Variants in RPH3A observed in about 807,000 individuals in gnomAD.
RPH3A encodes the protein rabphilin 3A.
Under a neutral mutation model 102.2 loss-of-function variants are expected in RPH3A, and 48 were observed. The observed-to-expected ratio is 0.47, with a 90% confidence interval of 0.37 to 0.60. The LOEUF (loss-of-function observed/expected upper bound fraction) is 0.60. RPH3A is among the 20% of genes least tolerant of loss of function. The pLI, the probability that RPH3A is intolerant of heterozygous loss-of-function variation, is 0.00. For synonymous variants in RPH3A, 310 were observed against 324.3 expected (o/e 0.96, Z 0.47); for missense variants, 781 against 910.1 (o/e 0.86, Z 1.83).
chr12:112,592,423 G>A (rs233724), intron 1 of RPH3A, among the ~76,000 whole-genome samples: 71,135 of 151,852 alleles, frequency 0.47, 17,240 homozygotes, highest in South Asian at 0.6. Flanking sequence ...GGTTCAAGCG[G>A]CTCTTCTGCC....
intron 1 of RPH3A, among the ~76,000 whole-genome samples, chr12:112,730,974 T>A (rs547656899): frequency 8.9e-4 from 136 of 152,310 alleles, no homozygotes; most frequent in African/African-American, 3.2e-3. Context: ...GGTGACTGGC[T>A]GAACAGAAAG....
rs558126338 is a variant in RPH3A, at chr12:112,726,756, C to T, written c.-139-65387C>T. 5.3e-5 allele frequency among the ~76,000 whole-genome samples: 8 copies of T among 152,260 alleles called. No individual in the cohort carries two copies. The East Asian group carries it at 9.7e-4, about 18-fold the overall frequency. ...GCATTTTTCTGGCTGGGTGCAGTGG[C>T]TCACGCCTGTAATCCTAGCACTTTG... On this transcript the variant is annotated intron_variant, in intron 1 of 21. Transcript: ENST00000543106.
chr12:112,806,554 G>T (rs1028888921), intron 2 of RPH3A, among the ~76,000 whole-genome samples: 1 of 152,064 alleles, frequency 6.6e-6, no homozygotes, highest in Admixed American at 6.6e-5. Context: ...GCTTAAACCT[G>T]GGAGGTGGAG....
intron 1 of RPH3A, among the ~76,000 whole-genome samples, chr12:112,771,942 CATTTGTTTA>C (rs1013536155): frequency 6.6e-6 from 1 of 152,154 alleles, no homozygotes; most frequent in Non-Finnish European, 1.5e-5. Context: ...TTCAGTCATA[CATTTGTTTA>C]AGTGTATGTA....
intron 1 of RPH3A, among the ~76,000 whole-genome samples, chr12:112,746,065 G>A (rs1004884810): frequency 4.6e-5 from 7 of 152,122 alleles, no homozygotes; most frequent in African/African-American, 1.7e-4. Flanking sequence ...CTTGCAACCT[G>A]TTCTTCCTTG....
intron 5 of RPH3A, among the ~76,000 whole-genome samples, chr12:112,864,221 G>A (rs573170432): frequency 2.0e-5 from 3 of 152,178 alleles, no homozygotes; most frequent in Non-Finnish European, 2.9e-5. Flanking sequence ...GGGAGGCCAA[G>A]GCAGGTGGAT....
At chr12:112,824,475 T>G (rs1481248046) in intron 2 of RPH3A, among the ~76,000 whole-genome samples, 1 of 152,080 alleles carries the variant, frequency 6.6e-6, no homozygotes, top group Non-Finnish European at 1.5e-5. Context: ...CAGTGACTAT[T>G]AGGGTGCCTC....
chr12:112,871,351 C>A (rs1315292623), intron 10 of RPH3A, among the ~76,000 whole-genome samples: 1 of 152,194 alleles, frequency 6.6e-6, no homozygotes, highest in East Asian at 1.9e-4. Context: ...TAATTCCACA[C>A]TCCTCTCTGC....
intron 13 of RPH3A, 141 bp from the exon 14 acceptor site, chr12:112,878,978 G>A (rs1446572856): frequency 1.1e-5 from 8 of 724,858 alleles, no homozygotes; most frequent in African/African-American, 8.8e-5. Flanking sequence ...CCAAGATGAG[G>A]AACTCACAGC....
chr12:112,665,761 T>A (rs917351478), intron 1 of RPH3A, among the ~76,000 whole-genome samples: 16 of 152,232 alleles, frequency 1.1e-4, no homozygotes, highest in African/African-American at 3.6e-4. Flanking sequence ...TTTTGGTCTA[T>A]CTCCTTCATT....
intron 1 of RPH3A, among the ~76,000 whole-genome samples, chr12:112,747,733 CT>C (rs1234048832): frequency 6.6e-6 from 1 of 152,194 alleles, no homozygotes; most frequent in Non-Finnish European, 1.5e-5. Context: ...TTAGTTGTGG[CT>C]TAGGCTGCTG....
Position 112,869,703 on chromosome 12 carries a change from G to C in RPH3A, c.611-56G>C, listed in dbSNP as rs1008168752. On this transcript the variant is annotated intron_variant, in intron 8 of 21. Transcript: ENST00000389385. ...CCCTTTGTAGGCTTCTTAAGTACCG[G>C]TTTTCCAGACACCAGAAAACCAGTA... 30 of 1,581,554 alleles carry C rather than the reference G, an allele frequency of 1.9e-5. No homozygotes were observed. The East Asian group carries it at 6.5e-4, about 34-fold the overall frequency.
intron 1 of RPH3A, among the ~76,000 whole-genome samples, chr12:112,669,545 G>A (rs2040112573): frequency 2.0e-5 from 3 of 152,058 alleles, no homozygotes; most frequent in South Asian, 4.1e-4. Context: ...ACATCGCAAG[G>A]AAATAGAGTA....
chr12:112,608,519 T>C (rs1014487623), intron 1 of RPH3A, among the ~76,000 whole-genome samples: 6 of 152,218 alleles, frequency 3.9e-5, no homozygotes, highest in Admixed American at 3.9e-4. Flanking sequence ...ACTTCCATTC[T>C]CAAGGTTAAT....
chr12:112,898,795 A>G lies in RPH3A; in HGVS notation c.*2015A>G, dbSNP rs987227784. On this transcript the variant is annotated 3_prime_UTR_variant, in exon 22 of 22. Transcript: ENST00000389385. The stretch of plus-strand genomic sequence containing the variant: ...GTAACCACCTCCCTGCCTAGAATAC[A>G]CACACGTCCTCCGGTGCATGCACAA... 1 of 152,324 alleles carries G rather than the reference A, an allele frequency of 6.6e-6. No homozygotes were observed. The highest frequency in any genetic ancestry group is 2.4e-5 in the African/African-American group (1 of 41,456). 9.4% of individuals were successfully genotyped at this position (152,324 alleles called of 1,614,324 possible).
chr12:112,747,684 C>A (rs1489120366), intron 1 of RPH3A, among the ~76,000 whole-genome samples: 1 of 152,214 alleles, frequency 6.6e-6, no homozygotes, highest in Non-Finnish European at 1.5e-5. Context: ...TAGCACCCTG[C>A]CCTACCACTG....
At chr12:112,813,535 C>A (rs985667203) in intron 2 of RPH3A, 2 of 152,174 alleles carry the variant, frequency 1.3e-5, no homozygotes, top group African/African-American at 4.8e-5. Flanking sequence ...AATCCACACC[C>A]CAGGGAAGTG....
intron 1 of RPH3A, among the ~76,000 whole-genome samples, chr12:112,631,829 G>A (rs1566235589): frequency 6.6e-6 from 1 of 152,130 alleles, no homozygotes; most frequent in Non-Finnish European, 1.5e-5. Context: ...TGGCCTGAAA[G>A]CGTGTAAATG....
At chr12:112,850,038 G>A (rs1027764218) in intron 5 of RPH3A, among the ~76,000 whole-genome samples, 3 of 152,130 alleles carry the variant, frequency 2.0e-5, no homozygotes, top group Non-Finnish European at 4.4e-5. Context: ...ATGCCCTGCT[G>A]TATTCTCCCT....
Sources: allele counts gnomAD v4.1 joint callset (sites outside exome capture counted in the v4.1 genomes callset), GRCh38; gene constraint gnomAD v4.1.1; transcripts MANE v1.5; gene names NCBI Gene and HGNC (gene_info 2026-07-23, HGNC 2026-07-21).